TENM3: variants seen among roughly 807,000 people sequenced by gnomAD.
The protein encoded by TENM3 is teneurin transmembrane protein 3, also known as teneurin-3.
Under a neutral mutation model 255.1 loss-of-function variants are expected in TENM3, and 63 were observed. The observed-to-expected ratio is 0.25, with a 90% CI of 0.20 to 0.30. The LOEUF (loss-of-function observed/expected upper bound fraction) is 0.30. Among genes scored for constraint, TENM3 ranks in the 10% least tolerant of loss-of-function variants. TENM3 has a pLI of 1.00. For missense variants in TENM3, 2,929 were observed against 3,461.1 expected (o/e 0.85, Z 3.86); for synonymous variants, 1,306 against 1,322.3 (o/e 0.99, Z 0.27).
chr4:181,676,418 G>T, the TENM3 span, among the ~76,000 whole-genome samples: 276 of 131,450 alleles, frequency 2.1e-3, 3 homozygotes, highest in African/African-American at 0.01. Flanking sequence ...GTGCAGGTTT[G>T]TTACATGGGT....
At chr4:181,928,214 G>T in the TENM3 span, among the ~76,000 whole-genome samples, 1 of 151,826 alleles carries the variant, frequency 6.6e-6, no homozygotes, top group South Asian at 2.1e-4. Context: ...TCAGAAGGTG[G>T]GTAATAACAA....
At chr4:182,771,669 T>G (rs72703971) in intron 22 of TENM3, among the ~76,000 whole-genome samples, 16,413 of 152,282 alleles carry the variant, frequency 0.11, 981 homozygotes, top group South Asian at 0.16. Flanking sequence ...GTTTTGTCAA[T>G]AATTCTGTAA....
the TENM3 span, among the ~76,000 whole-genome samples, chr4:181,876,134 A>G: frequency 2.6e-5 from 4 of 152,214 alleles, no homozygotes; most frequent in African/African-American, 9.6e-5. Flanking sequence ...CTATACACCT[A>G]GTTAATGCAG....
At chr4:181,466,755 G>T in the TENM3 span, among the ~76,000 whole-genome samples, 1 of 151,948 alleles carries the variant, frequency 6.6e-6, no homozygotes, top group East Asian at 1.9e-4. Context: ...TGATGTTTAG[G>T]AAAACAATTG....
At chr4:181,646,837 G>A in the TENM3 span, among the ~76,000 whole-genome samples, 6 of 152,112 alleles carry the variant, frequency 3.9e-5, no homozygotes, top group African/African-American at 1.4e-4. Flanking sequence ...TAGCATCAGT[G>A]ACAAAAAAAG....
At position 182,800,556 on chromosome 4, in the gene TENM3, TGC is replaced by T; in HGVS notation, c.*206_*207del. 1 of 574,832 alleles carries T rather than the reference TGC, an allele frequency of 1.7e-6. No individual in the cohort carries two copies. The allele number at this position is 574,832 out of a possible 1,614,324, so 35.6% of individuals were successfully genotyped here. The stretch of plus-strand genomic sequence containing the variant: ...CGGCTTTAACGAATATGTTTACATA[TGC>T]ATAGCGCTGCACTCAGTCGGACTGA... On this transcript the variant is annotated 3_prime_UTR_variant, in exon 28 of 28. Coordinates refer to ENST00000511685, the MANE Select transcript of TENM3 (RefSeq NM_001080477.4).
At chr4:182,100,382 A>G in the TENM3 span, among the ~76,000 whole-genome samples, 1 of 150,066 alleles carries the variant, frequency 6.7e-6, no homozygotes, top group South Asian at 2.1e-4. Context: ...CAAAAAGGTC[A>G]CTTCAGGCCA....
the TENM3 span, among the ~76,000 whole-genome samples, chr4:181,448,237 G>T: frequency 7.6e-6 from 1 of 131,762 alleles, no homozygotes; most frequent in Admixed American, 9.3e-5. Context: ...CGCGATCTCG[G>T]CTCACTGCAA....
At chr4:181,553,905 T>G in the TENM3 span, among the ~76,000 whole-genome samples, 1 of 152,184 alleles carries the variant, frequency 6.6e-6, no homozygotes, top group East Asian at 1.9e-4. Context: ...GCAATCCTGC[T>G]CCATCCCCCC....
At chr4:182,467,130 C>T (rs1732673004) in intron 3 of TENM3, among the ~76,000 whole-genome samples, 2 of 152,056 alleles carry the variant, frequency 1.3e-5, no homozygotes, top group African/African-American at 4.8e-5. Context: ...CTGGAGACTG[C>T]CATACTCTAG....
At chr4:182,085,981 A>C in the TENM3 span, among the ~76,000 whole-genome samples, 1 of 152,158 alleles carries the variant, frequency 6.6e-6, no homozygotes, top group Non-Finnish European at 1.5e-5. Flanking sequence ...GAATTGTTAT[A>C]AGTTGTGATT....
At chr4:182,590,037 C>T (rs917902713) in intron 3 of TENM3, among the ~76,000 whole-genome samples, 4 of 152,114 alleles carry the variant, frequency 2.6e-5, no homozygotes, top group Admixed American at 6.5e-5. Flanking sequence ...CAGGCAGAAG[C>T]ATTGCTGACC....
the TENM3 span, among the ~76,000 whole-genome samples, chr4:181,553,230 T>C: frequency 6.6e-6 from 1 of 150,990 alleles, no homozygotes; most frequent in Non-Finnish European, 1.5e-5. Flanking sequence ...GCTCTTTACC[T>C]GGCAAGTCAG....
rs149089679 is a variant in TENM3, at chr4:182,527,819, C to T, written c.512-73105C>T. The stretch of plus-strand genomic sequence containing the variant: ...CTCGGCTCACTGCAACCTCTGCCTC[C>T]GGGGTTCAAGCAGATCTTCTGCCTC... On this transcript the variant is annotated intron_variant, in intron 3 of 27. Coordinates refer to ENST00000511685, the MANE Select transcript of TENM3 (RefSeq NM_001080477.4). Among the ~76,000 whole-genome samples the T allele has an allele frequency of 5.8e-3, 887 of 152,228 alleles. 7 individuals are homozygous for T. Among genetic ancestry groups the T allele is most frequent in the African/African-American group, 0.02 (846 of 41,546 alleles).
At chr4:182,189,437 T>G (rs1419096063) in intron 1 of TENM3, among the ~76,000 whole-genome samples, 1 of 152,150 alleles carries the variant, frequency 6.6e-6, no homozygotes, top group African/African-American at 2.4e-5. Context: ...CACCAAAGCT[T>G]ATACTTATTT....
intron 1 of TENM3, among the ~76,000 whole-genome samples, chr4:182,166,010 C>A (rs1301386501): frequency 1.3e-5 from 2 of 152,114 alleles, no homozygotes; most frequent in Non-Finnish European, 1.5e-5. Context: ...GATCTCCTGA[C>A]CTCATGATCT....
the TENM3 span, among the ~76,000 whole-genome samples, chr4:181,808,688 G>A: frequency 2.0e-5 from 3 of 152,188 alleles, no homozygotes; most frequent in Admixed American, 1.3e-4. Flanking sequence ...CAGCGAGCAA[G>A]TGAGCAGCTC....
intron 24 of TENM3, among the ~76,000 whole-genome samples, chr4:182,784,943 C>T (rs1227054781): frequency 2.0e-5 from 3 of 152,144 alleles, no homozygotes; most frequent in East Asian, 1.9e-4. Flanking sequence ...CACTGACCTG[C>T]GCCCACTGTC....
intron 4 of TENM3, among the ~76,000 whole-genome samples, chr4:182,621,587 A>G (rs62339125): frequency 0.39 from 43,260 of 112,016 alleles, 8,798 homozygotes; most frequent in East Asian, 0.64. Flanking sequence ...ACATAGGGAG[A>G]CCCCCATCTG....
Sources: gnomAD v4.1 joint callset for allele counts (sites outside exome capture counted in the v4.1 genomes callset) on GRCh38, gnomAD v4.1.1 for gene constraint, MANE v1.5 for transcripts, NCBI Gene and HGNC (gene_info 2026-07-23, HGNC 2026-07-21) for gene names.